AGBL1: variants seen among roughly 807,000 people sequenced by gnomAD.
The protein encoded by AGBL1 is cytosolic carboxypeptidase 4.
Under a neutral mutation model 118.9 loss-of-function variants are expected in AGBL1, and 130 were observed. The ratio of observed to expected loss-of-function variants is 1.09; its 90% CI spans 0.95 to 1.26. The LOEUF (loss-of-function observed/expected upper bound fraction) is 1.26. Ranked by LOEUF, AGBL1 falls within the 50% of genes most tolerant of loss-of-function variation. AGBL1 has a pLI of 0.00. For missense variants in AGBL1, 1,584 were observed against 1,298.1 expected, an observed-to-expected ratio of 1.22 and a Z score of -3.38; for synonymous variants, 555 against 478.9, an observed-to-expected ratio of 1.16 and a Z score of -2.08.
intron 22 of AGBL1, among the ~76,000 whole-genome samples, chr15:86,720,663 T>C (rs1030717282): frequency 3.3e-5 from 5 of 152,094 alleles, no homozygotes; most frequent in Non-Finnish European, 7.4e-5. Flanking sequence ...GAATGCGAAG[T>C]TGCTGAGAGT....
In AGBL1 at chr15:86,944,377, AAAT is replaced by A. The variant is rs368084988; in HGVS notation, c.3222-43591_3222-43589del. Among the ~76,000 whole-genome samples the A allele has an allele frequency of 9.9e-5, 15 of 151,484 alleles. No homozygotes were observed. The East Asian group carries it at 1.6e-3, about 16-fold the overall frequency. On this transcript the variant is annotated intron_variant, in intron 23 of 24. Transcript: ENST00000441037. ...CTGGGCAAAAAGTGAAACTCCGTCT[AAAT>A]AATAATAATAATAATAATGAGGGCA... is the stretch of plus-strand genomic sequence containing the variant.
At chr15:86,427,914 C>A (rs1481035955) in intron 18 of AGBL1, among the ~76,000 whole-genome samples, 1 of 152,134 alleles carries the variant, frequency 6.6e-6, no homozygotes, top group Non-Finnish European at 1.5e-5. Context: ...CGGACAAATA[C>A]CCTCTCCCTT....
rs530029970 is a variant in AGBL1 at position 86,212,385 on chromosome 15, G to A, written c.489-12529G>A. Among the ~76,000 whole-genome samples, 15 of 152,314 alleles carry A rather than the reference G, an allele frequency of 9.8e-5. No homozygotes were observed. In the South Asian group the frequency reaches 1.7e-3, roughly 17 times the overall value. On this transcript the variant is annotated intron_variant, in intron 5 of 22. Transcript: ENST00000614907. ...TTATGGAGTCTGGAACTCAGGAAGC[G>A]GGGGAGCTGGAATTGAGCTGGATGA... is the stretch of plus-strand genomic sequence containing the variant.
intron 19 of AGBL1, among the ~76,000 whole-genome samples, chr15:86,540,383 C>T (rs984683776): frequency 6.6e-6 from 1 of 152,080 alleles, no homozygotes; most frequent in African/African-American, 2.4e-5. Context: ...TGCCTGAGCT[C>T]AGGAGTTTGA....
intron 5 of AGBL1, among the ~76,000 whole-genome samples, chr15:86,174,281 A>G (rs527674929): frequency 4.3e-4 from 65 of 152,024 alleles, no homozygotes; most frequent in African/African-American, 1.4e-3. Flanking sequence ...AATACTACTG[A>G]TATTTGTTGA....
intron 21 of AGBL1, among the ~76,000 whole-genome samples, chr15:86,603,199 AT>A (rs969528323): frequency 7.9e-5 from 12 of 151,924 alleles, no homozygotes; most frequent in African/African-American, 2.7e-4. Flanking sequence ...ACCATCATCC[AT>A]TTCTCCACAT....
chr15:86,176,790 C>T (rs1303784129), intron 5 of AGBL1, among the ~76,000 whole-genome samples: 1 of 152,126 alleles, frequency 6.6e-6, no homozygotes, highest in Non-Finnish European at 1.5e-5. Flanking sequence ...GGTATGAACT[C>T]TAGGCAGCTT....
intron 4 of AGBL1, among the ~76,000 whole-genome samples, chr15:86,155,259 G>A (rs1006380038): frequency 6.6e-6 from 1 of 152,120 alleles, no homozygotes; most frequent in East Asian, 1.9e-4. Flanking sequence ...CTTGAGCCCA[G>A]GCATTTGAGA....
intron 23 of AGBL1, among the ~76,000 whole-genome samples, chr15:86,974,941 T>C (rs1471835572): frequency 6.6e-6 from 1 of 151,920 alleles, no homozygotes; most frequent in African/African-American, 2.4e-5. Context: ...AGGGGGATTA[T>C]TGGAGCTTTT....
At chr15:86,429,743 G>T (rs1340841435) in intron 18 of AGBL1, among the ~76,000 whole-genome samples, 1 of 152,196 alleles carries the variant, frequency 6.6e-6, no homozygotes, top group Non-Finnish European at 1.5e-5. Context: ...AGGACATATT[G>T]TATGTGAAAT....
In AGBL1 at chr15:86,546,970, A is replaced by T. The variant is rs151319911; in HGVS notation, c.2817+837A>T. ...CTATGTGCAAAATAGCTTCATCCCC[A>T]GGGTTAATGATAGTATTAAGAGGTA... On this transcript the variant is annotated intron_variant, in intron 20 of 22. Coordinates refer to ENST00000614907, the MANE Select transcript of AGBL1 (RefSeq NM_001386094.1). Among the ~76,000 whole-genome samples, 40 of 152,312 alleles carry T rather than the reference A, an allele frequency of 2.6e-4. No homozygotes were observed. The East Asian group carries it at 4.2e-3, about 16-fold the overall frequency.
rs754024923 is a variant in AGBL1 at position 86,397,547 on chromosome 15, G to A, written c.2555+1G>A. The A allele has an allele frequency of 6.2e-7, 1 of 1,602,874 alleles. No homozygotes were observed. ...ACCCAGATGGTGTCATCAACGGCAA[G>A]TATGTCAGGCACCTGGCTCAGCCAA... On this transcript the variant is annotated splice_donor_variant, in intron 18 of 22. Transcript: ENST00000614907. LOFTEE classifies it high-confidence loss of function.
chr15:86,394,509 G>C (rs1307525029), intron 17 of AGBL1, among the ~76,000 whole-genome samples: 1 of 152,070 alleles, frequency 6.6e-6, no homozygotes, highest in African/African-American at 2.4e-5. Flanking sequence ...ATCTTACATT[G>C]AGTTTAACAG....
At chr15:86,906,842 C>T (rs148516162) in intron 22 of AGBL1, among the ~76,000 whole-genome samples, 189 of 152,266 alleles carry the variant, frequency 1.2e-3, no homozygotes, top group African/African-American at 4.3e-3. Context: ...GTTGAGGACA[C>T]AGGGGAGTGT....
At chr15:86,496,508 A>G (rs2082857425) in intron 18 of AGBL1, among the ~76,000 whole-genome samples, 1 of 152,024 alleles carries the variant, frequency 6.6e-6, no homozygotes, top group Non-Finnish European at 1.5e-5. Flanking sequence ...TTAATAGATT[A>G]CTTTAATTTT....
intron 18 of AGBL1, among the ~76,000 whole-genome samples, chr15:86,403,366 C>G (rs925427590): frequency 6.6e-6 from 1 of 152,000 alleles, no homozygotes; most frequent in African/African-American, 2.4e-5. Context: ...AAGCAAACAG[C>G]AATAAAGAGC....
chr15:86,413,919 A>G (rs2081655195), intron 18 of AGBL1, among the ~76,000 whole-genome samples: 1 of 152,112 alleles, frequency 6.6e-6, no homozygotes, highest in Non-Finnish European at 1.5e-5. Flanking sequence ...TGTGGAATCA[A>G]CCTAACTGTC....
chr15:86,356,049 A>C (rs1486052379), intron 17 of AGBL1, among the ~76,000 whole-genome samples: 2 of 152,202 alleles, frequency 1.3e-5, no homozygotes, highest in Non-Finnish European at 2.9e-5. Flanking sequence ...TATGTAGTCA[A>C]CAGAGCTATC....
chr15:86,180,112 A>G (rs1567108402), intron 5 of AGBL1, among the ~76,000 whole-genome samples: 2 of 152,104 alleles, frequency 1.3e-5, no homozygotes, highest in East Asian at 1.9e-4. Flanking sequence ...CAAAATGTCA[A>G]TTTTCCTTAA....
Sources: allele counts gnomAD v4.1 joint callset (sites outside exome capture counted in the v4.1 genomes callset), GRCh38; gene constraint gnomAD v4.1.1; transcripts MANE v1.5; gene names NCBI Gene and HGNC (gene_info 2026-07-23, HGNC 2026-07-21).